Variants in NRG1 observed in about 807,000 individuals in gnomAD.
The protein encoded by NRG1 is neuregulin 1.
Under a neutral mutation model 63.8 loss-of-function variants are expected in NRG1, and 18 were observed. That is an observed-to-expected ratio of 0.28 (90% CI 0.19 to 0.42). NRG1 has a LOEUF of 0.42. Ranked by LOEUF, NRG1 falls within the 10% of genes least tolerant of loss-of-function variation. The probability of loss-of-function intolerance (pLI) is 1.00; values close to 1 mark genes in which losing one functional copy is unlikely to be tolerated. For synonymous variants in NRG1, 302 were observed against 301.3 expected, an observed-to-expected ratio of 1.00 and a Z score of -0.02; for missense variants, 762 against 814.7, an observed-to-expected ratio of 0.94 and a Z score of 0.79.
chr8:31,791,205 CAAAA>C (rs35966484), intron 1 of NRG1, among the ~76,000 whole-genome samples: 2 of 98,692 alleles, frequency 2.0e-5, no homozygotes. Context: ...GAAACTGTGC[CAAAA>C]AAAAAAAAAA....
chr8:32,430,767 G>A (rs530558194), intron 1 of NRG1, among the ~76,000 whole-genome samples: 56 of 146,816 alleles, frequency 3.8e-4, no homozygotes, highest in African/African-American at 1.3e-3. Flanking sequence ...TATACCTCAT[G>A]TTACACTGCA....
At chr8:31,975,509 T>C (rs570156992) in intron 1 of NRG1, among the ~76,000 whole-genome samples, 101 of 152,322 alleles carry the variant, frequency 6.6e-4, no homozygotes, top group African/African-American at 2.3e-3. Context: ...GGGTTTATTG[T>C]TGAATACTAA....
chr8:32,261,671 C>A (rs1228959179), intron 1 of NRG1, among the ~76,000 whole-genome samples: 12 of 152,052 alleles, frequency 7.9e-5, no homozygotes, highest in Admixed American at 7.2e-4. Context: ...CTTTTAACAC[C>A]TCCACTCCCC....
chr8:32,495,279 C>A (rs540846824), intron 1 of NRG1, among the ~76,000 whole-genome samples: 8 of 152,120 alleles, frequency 5.3e-5, no homozygotes, highest in Non-Finnish European at 4.4e-5. Flanking sequence ...ATAAGTCTCA[C>A]GAGATCTGGT....
intron 1 of NRG1, among the ~76,000 whole-genome samples, chr8:32,024,585 G>A (rs1017031690): frequency 6.6e-6 from 1 of 152,142 alleles, no homozygotes; most frequent in Non-Finnish European, 1.5e-5. Context: ...ATTACCTCAA[G>A]CTTGATTTTT....
intron 1 of NRG1, among the ~76,000 whole-genome samples, chr8:32,200,921 G>A (rs1843437488): frequency 1.3e-5 from 2 of 152,114 alleles, no homozygotes; most frequent in South Asian, 2.1e-4. Flanking sequence ...TGGCTGTGCA[G>A]CAACAGAGAG....
chr8:32,208,365 C>T (rs1844298374), intron 1 of NRG1, among the ~76,000 whole-genome samples: 2 of 151,292 alleles, frequency 1.3e-5, no homozygotes, highest in African/African-American at 4.9e-5. Flanking sequence ...CTCACTGCAT[C>T]CTCTGCCTCA....
At chr8:32,758,501 G>A (rs547603306) in intron 9 of NRG1, among the ~76,000 whole-genome samples, 33 of 138,334 alleles carry the variant, frequency 2.4e-4, no homozygotes, top group African/African-American at 7.6e-4. Flanking sequence ...TGCTTGAACC[G>A]GGAGGTGGAG....
At chr8:32,268,218 C>A (rs1040944366) in intron 1 of NRG1, among the ~76,000 whole-genome samples, 1 of 152,140 alleles carries the variant, frequency 6.6e-6, no homozygotes, top group South Asian at 2.1e-4. Context: ...GAGACTGCAG[C>A]CCTAGCCAGT....
intron 5 of NRG1, among the ~76,000 whole-genome samples, chr8:32,668,928 T>C (rs573874786): frequency 2.2e-4 from 33 of 152,316 alleles, no homozygotes; most frequent in Admixed American, 3.9e-4. Context: ...TTTGGTTGTG[T>C]CGAATAGAAT....
chr8:32,386,091 C>T (rs182913374), intron 1 of NRG1, among the ~76,000 whole-genome samples: 41 of 152,224 alleles, frequency 2.7e-4, no homozygotes, highest in African/African-American at 9.4e-4. Context: ...CATTAGCAGG[C>T]ATTTTCATTC....
At chr8:31,801,176 A>G (rs1350048972) in intron 1 of NRG1, among the ~76,000 whole-genome samples, 1 of 151,980 alleles carries the variant, frequency 6.6e-6, no homozygotes, top group Non-Finnish European at 1.5e-5. Flanking sequence ...ATTCTTATTC[A>G]ATTGTTTGTT....
At chr8:32,534,766 C>T (rs66963240) in intron 1 of NRG1, among the ~76,000 whole-genome samples, 60,202 of 151,926 alleles carry the variant, frequency 0.4, 12,321 homozygotes, top group Admixed American at 0.49. Flanking sequence ...TCAATTCCAA[C>T]GTTTCCTTTA....
At chr8:32,116,971 C>CA (rs756283492) in intron 1 of NRG1, among the ~76,000 whole-genome samples, 3,437 of 31,508 alleles carry the variant, frequency 0.11, 209 homozygotes, top group African/African-American at 0.14. Context: ...CCTGTCTCTA[C>CA]AAAAAAAAAA....
At chr8:32,413,454 C>A (rs1815400098) in intron 1 of NRG1, among the ~76,000 whole-genome samples, 1 of 152,074 alleles carries the variant, frequency 6.6e-6, no homozygotes. Context: ...TTGTAGCATT[C>A]CATTTTTACT....
chr8:32,133,594 A>G (rs947791777), intron 1 of NRG1, among the ~76,000 whole-genome samples: 11 of 152,182 alleles, frequency 7.2e-5, no homozygotes, highest in Non-Finnish European at 1.6e-4. Flanking sequence ...ATAGACATTC[A>G]TGACCTAATT....
At chr8:31,879,712 C>T (rs886883823) in intron 1 of NRG1, among the ~76,000 whole-genome samples, 1 of 152,110 alleles carries the variant, frequency 6.6e-6, no homozygotes, top group Non-Finnish European at 1.5e-5. Context: ...CTCCTCCTAC[C>T]CTCCACCCTC....
chr8:31,939,691 A>C (rs186153860), intron 1 of NRG1, among the ~76,000 whole-genome samples: 57 of 152,250 alleles, frequency 3.7e-4, no homozygotes, highest in African/African-American at 1.3e-3. Context: ...CTAACACATA[A>C]GGACTCACAT....
intron 6 of NRG1, among the ~76,000 whole-genome samples, chr8:32,741,236 G>T (rs1826246434): frequency 6.6e-6 from 1 of 152,124 alleles, no homozygotes. Context: ...AAATATATGT[G>T]AGTGAATAAC....
Sources: gnomAD v4.1 joint callset for allele counts (sites outside exome capture counted in the v4.1 genomes callset) on GRCh38, gnomAD v4.1.1 for gene constraint, MANE v1.5 for transcripts, NCBI Gene and HGNC (gene_info 2026-07-23, HGNC 2026-07-21) for gene names.